Variants in PSMA8 observed in about 807,000 individuals in gnomAD.
PSMA8 encodes the protein proteasome 20S subunit alpha 8, also known as proteasome subunit alpha-type 8.
Under a neutral mutation model 32.4 loss-of-function variants are expected in PSMA8, and 18 were observed. The ratio of observed to expected loss-of-function variants is 0.56; its 90% CI spans 0.38 to 0.82. The LOEUF (loss-of-function observed/expected upper bound fraction) is 0.82. Ranked by LOEUF, PSMA8 falls within the 40% of genes least tolerant of loss-of-function variation. The probability of loss-of-function intolerance (pLI) is 0.00; values close to 1 mark genes in which losing one functional copy is unlikely to be tolerated. For missense variants in PSMA8, 298 were observed against 300.7 expected (o/e 0.99, Z 0.07); for synonymous variants, 104 against 98.1 (o/e 1.06, Z -0.36).
chr18:26,187,680 G>A (rs567983363), intron 6 of PSMA8, among the ~76,000 whole-genome samples: 2 of 151,746 alleles, frequency 1.3e-5, no homozygotes, highest in Non-Finnish European at 1.5e-5. Context: ...TATAAGAAGA[G>A]ACAAAAAAGG....
chr18:26,141,713 CTT>C (rs1011733993), intron 1 of PSMA8, among the ~76,000 whole-genome samples: 3 of 109,988 alleles, frequency 2.7e-5, no homozygotes, highest in Admixed American at 1.9e-4. Flanking sequence ...TTTCTTTTTT[CTT>C]TTTTTTTTTT....
chr18:26,148,697 A>G (rs2055022844), intron 2 of PSMA8, among the ~76,000 whole-genome samples: 1 of 152,194 alleles, frequency 6.6e-6, no homozygotes, highest in African/African-American at 2.4e-5. Context: ...AAATAAAGGT[A>G]TCCAAATTGG....
At chr18:26,179,849 C>G (rs2055295744) in intron 6 of PSMA8, among the ~76,000 whole-genome samples, 2 of 151,128 alleles carry the variant, frequency 1.3e-5, no homozygotes, top group South Asian at 4.2e-4. Flanking sequence ...ACTCGAGAGA[C>G]TGAGGTGGGA....
rs148538333 is a variant in PSMA8, at chr18:26,155,471, G to A, written c.355-2651G>A. ...TAAAAAGCAGACACATAGGCCGATG[G>A]AACAGAATAGAGAACCCAGAAATAA... On this transcript the variant is annotated intron_variant, in intron 3 of 6. Coordinates refer to ENST00000415576, the MANE Select transcript of PSMA8 (RefSeq NM_001025096.2). Among the ~76,000 whole-genome samples the A allele has an allele frequency of 5.4e-3, 828 of 152,246 alleles. 1 individual carries two copies. The highest frequency in any genetic ancestry group is 7.9e-3 in the Non-Finnish European group (536 of 68,020).
intron 2 of PSMA8, among the ~76,000 whole-genome samples, chr18:26,146,597 C>A (rs949142983): frequency 4.0e-5 from 6 of 151,520 alleles, no homozygotes; most frequent in African/African-American, 1.5e-4. Flanking sequence ...AACTTCATCT[C>A]AAAAAAAATA....
At chr18:26,146,052 T>C (rs1486120870) in intron 2 of PSMA8, among the ~76,000 whole-genome samples, 1 of 152,228 alleles carries the variant, frequency 6.6e-6, no homozygotes, top group Non-Finnish European at 1.5e-5. Context: ...TTCTTATACA[T>C]GTGTACTGAT....
chr18:26,141,713 CTTTTTTTTTTTT>C (rs1011733993), intron 1 of PSMA8, among the ~76,000 whole-genome samples: 1 of 109,994 alleles, frequency 9.1e-6, no homozygotes. Context: ...TTTCTTTTTT[CTTTTTTTTTTTT>C]TTTTTTTTGA....
At chr18:26,163,203 A>ATGTG (rs200054756) in intron 4 of PSMA8, among the ~76,000 whole-genome samples, 1,357 of 112,434 alleles carry the variant, frequency 0.012, 74 homozygotes, top group African/African-American at 0.052. Flanking sequence ...GTGTGTGTTT[A>ATGTG]TGTGTGTGTG....
chr18:26,172,353 C>G (rs905025113), intron 4 of PSMA8, among the ~76,000 whole-genome samples: 2 of 152,302 alleles, frequency 1.3e-5, no homozygotes, highest in African/African-American at 4.8e-5. Flanking sequence ...AACTACTAAA[C>G]TTTACCATAG....
intron 6 of PSMA8, among the ~76,000 whole-genome samples, chr18:26,180,888 T>G (rs933265146): frequency 6.6e-6 from 1 of 152,214 alleles, no homozygotes; most frequent in Non-Finnish European, 1.5e-5. Flanking sequence ...AGCAGATACA[T>G]TTGTTTAACA....
chr18:26,187,265 G>C (rs974602241), intron 6 of PSMA8, among the ~76,000 whole-genome samples: 8 of 152,146 alleles, frequency 5.3e-5, no homozygotes, highest in African/African-American at 1.9e-4. Flanking sequence ...AGAATCACTT[G>C]AGCCTAGGGT....
At chr18:26,165,666 T>G (rs575871697) in intron 4 of PSMA8, among the ~76,000 whole-genome samples, 2 of 150,360 alleles carry the variant, frequency 1.3e-5, no homozygotes, top group South Asian at 4.2e-4. Context: ...ACACTGGGGA[T>G]AGCAGTGATA....
At chr18:26,148,330 A>T (rs2055019805) in intron 2 of PSMA8, among the ~76,000 whole-genome samples, 1 of 152,074 alleles carries the variant, frequency 6.6e-6, no homozygotes, top group Non-Finnish European at 1.5e-5. Flanking sequence ...ACCAATTTGG[A>T]TCTATCCCTG....
chr18:26,146,696 G>T lies in PSMA8; in HGVS notation c.229+2011G>T, dbSNP rs890330367. On this transcript the variant is annotated intron_variant, in intron 2 of 6. Coordinates refer to ENST00000415576, the MANE Select transcript of PSMA8 (RefSeq NM_001025096.2). ...GAAGATCCATTGAACCCAGCAGGTT[G>T]AGGCTGCAGTGAGCTGTGATCACAC... 2.0e-5 allele frequency among the ~76,000 whole-genome samples: 3 copies of T among 152,192 alleles called. No homozygotes were observed. In the East Asian group the frequency reaches 5.8e-4, roughly 29 times the overall value.
chr18:26,143,077 G>T (rs943448839), intron 1 of PSMA8, among the ~76,000 whole-genome samples: 2 of 151,968 alleles, frequency 1.3e-5, no homozygotes, highest in African/African-American at 2.4e-5. Flanking sequence ...TGGATTCCCG[G>T]CATCTTCTTT....
intron 1 of PSMA8, chr18:26,139,977 A>G (rs1205420915): frequency 1.4e-6 from 1 of 693,810 alleles, no homozygotes; most frequent in African/African-American, 1.8e-5. Context: ...CTTTTAAAAG[A>G]TTGTTACTTT....
In PSMA8 at chr18:26,179,115, A is replaced by C; in HGVS notation, c.645A>C (p.Arg215Ser). ...GKNIELAIIR[R>S]NQPLKMFSAK... is the part of the protein sequence containing the mutation. ...ACATTGAACTTGCTATAATAAGAAGAAATCAACCTTTGAAGGTAAGTCATT... is the reference window on the plus strand; with the variant it reads ...ACATTGAACTTGCTATAATAAGAAGCAATCAACCTTTGAAGGTAAGTCATT... Residue 215 changes from arginine to serine, a missense_variant, in exon 6 of 7, where the codon AGA (arginine) becomes AGC (serine). Coordinates refer to ENST00000415576, the MANE Select transcript of PSMA8 (RefSeq NM_001025096.2). 1.2e-6 allele frequency: 2 copies of C among 1,611,674 alleles called. No individual in the cohort carries two copies. The highest frequency in any genetic ancestry group is 1.7e-6 in the Non-Finnish European group (2 of 1,178,538).
At chr18:26,143,722 A>G (rs1458670081) in intron 1 of PSMA8, among the ~76,000 whole-genome samples, 7 of 151,866 alleles carry the variant, frequency 4.6e-5, no homozygotes, top group Admixed American at 2.6e-4. Context: ...AATAATTATC[A>G]TACTTTCTTT....
intron 6 of PSMA8, among the ~76,000 whole-genome samples, chr18:26,187,876 T>A (rs187380574): frequency 2.2e-3 from 330 of 152,310 alleles, no homozygotes; most frequent in African/African-American, 7.8e-3. Flanking sequence ...TGGACAGATC[T>A]TCCAGACAGA....
Sources: gnomAD v4.1 joint callset for allele counts (sites outside exome capture counted in the v4.1 genomes callset) on GRCh38, gnomAD v4.1.1 for gene constraint, MANE v1.5 for transcripts, NCBI Gene and HGNC (gene_info 2026-07-23, HGNC 2026-07-21) for gene names.